Variants in PALS2 observed in about 807,000 individuals in gnomAD.
PALS2 encodes the protein protein PALS2.
PALS2 carries 27 observed loss-of-function variants against 61.6 expected under a neutral mutation model. The ratio of observed to expected loss-of-function variants is 0.44; its 90% CI spans 0.32 to 0.60. PALS2 has a LOEUF of 0.60. Ranked by LOEUF, PALS2 falls within the 20% of genes least tolerant of loss-of-function variation. The pLI is 0.05. For missense variants in PALS2, 554 were observed against 639.4 expected (o/e 0.87, Z 1.44); for synonymous variants, 236 against 218.6 (o/e 1.08, Z -0.70).
chr7:24,638,322 C>CTTTTTT (rs749421698), intron 2 of PALS2, among the ~76,000 whole-genome samples: 336 of 11,910 alleles, frequency 0.028, 145 homozygotes, highest in African/African-American at 0.041. Context: ...TCTGTATTTT[C>CTTTTTT]TTTTTTTTTT....
intron 11 of PALS2, among the ~76,000 whole-genome samples, chr7:24,683,529 T>A (rs575816766): frequency 1.6e-4 from 25 of 152,268 alleles, no homozygotes; most frequent in African/African-American, 5.8e-4. Context: ...GACCTTTTTT[T>A]TTTTTCATGA....
chr7:24,627,964 T>C (rs1182342844), intron 2 of PALS2, among the ~76,000 whole-genome samples: 2 of 152,174 alleles, frequency 1.3e-5, no homozygotes, highest in Non-Finnish European at 2.9e-5. Flanking sequence ...TACCATTCCT[T>C]CTGAAACTAT....
chr7:24,586,979 C>A (rs1040832549), intron 1 of PALS2, among the ~76,000 whole-genome samples: 8 of 151,528 alleles, frequency 5.3e-5, no homozygotes, highest in Non-Finnish European at 1.0e-4. Flanking sequence ...CCCGCCCTGC[C>A]CCCCAAATTC....
chr7:24,621,460 ATTTT>A, intron 1 of PALS2, among the ~76,000 whole-genome samples: 1 of 152,240 alleles, frequency 6.6e-6, no homozygotes, highest in East Asian at 1.9e-4. Flanking sequence ...AACACTATTG[ATTTT>A]GTTTTTAAAA....
At chr7:24,574,438 G>A (rs1782572452) in intron 1 of PALS2, among the ~76,000 whole-genome samples, 1 of 152,082 alleles carries the variant, frequency 6.6e-6, no homozygotes, top group Non-Finnish European at 1.5e-5. Context: ...ACTTTACTGG[G>A]AGTTTATTCT....
chr7:24,666,090 G>T lies in PALS2; in HGVS notation c.952+1G>T. 1.9e-6 allele frequency: 3 copies of T among 1,608,870 alleles called. No homozygotes were observed. Among genetic ancestry groups the T allele is most frequent in the Non-Finnish European group, 2.6e-6 (3 of 1,176,468 alleles). ...ATGTATCTCACAACCAGAAATGCAG[G>T]TAGGTTTTAAATACTTTTTGAGAAG... is the stretch of plus-strand genomic sequence containing the variant. On this transcript the variant is annotated splice_donor_variant, in intron 8 of 11. Transcript: ENST00000222644. LOFTEE classifies it high-confidence loss of function.
intron 5 of PALS2, among the ~76,000 whole-genome samples, chr7:24,651,830 T>C (rs1786167908): frequency 6.6e-6 from 1 of 152,248 alleles, no homozygotes; most frequent in Non-Finnish European, 1.5e-5. Flanking sequence ...AAAAGTCTAG[T>C]TCTTACATTT....
intron 9 of PALS2, among the ~76,000 whole-genome samples, chr7:24,674,140 A>G (rs1562658452): frequency 6.6e-6 from 1 of 152,194 alleles, no homozygotes; most frequent in Non-Finnish European, 1.5e-5. Flanking sequence ...GCTTCTTACA[A>G]CAACTGTGCT....
At chr7:24,675,184 G>A (rs549156507) in intron 9 of PALS2, among the ~76,000 whole-genome samples, 4 of 152,044 alleles carry the variant, frequency 2.6e-5, no homozygotes, top group Non-Finnish European at 4.4e-5. Flanking sequence ...CAGCATGGAG[G>A]TAGAGGTAAT....
chr7:24,664,186 C>T (rs1015350878), intron 6 of PALS2, among the ~76,000 whole-genome samples: 2 of 152,144 alleles, frequency 1.3e-5, no homozygotes, highest in Admixed American at 6.5e-5. Flanking sequence ...CTCCCCTCTT[C>T]TCAGATATTG....
chr7:24,647,457 T>C (rs1056188285), intron 3 of PALS2, among the ~76,000 whole-genome samples: 4 of 152,210 alleles, frequency 2.6e-5, no homozygotes, highest in African/African-American at 7.2e-5. Context: ...CCCAGCCTCA[T>C]TGATCTTTTG....
intron 5 of PALS2, among the ~76,000 whole-genome samples, chr7:24,650,927 A>G (rs1279804712): frequency 6.6e-6 from 1 of 152,222 alleles, no homozygotes; most frequent in African/African-American, 2.4e-5. Flanking sequence ...CTTCATTAAC[A>G]CCAGGAACCC....
intron 3 of PALS2, 115 bp from the exon 4 acceptor site, chr7:24,649,497 A>G: frequency 3.7e-6 from 3 of 806,924 alleles, no homozygotes; most frequent in Non-Finnish European, 5.4e-6. Flanking sequence ...ATTTAATACC[A>G]TGTGCCTTGG....
At position 24,681,968 on chromosome 7, in the gene PALS2, A is replaced by T. The variant is rs371606606; in HGVS notation, c.1446+1448A>T. On this transcript the variant is annotated intron_variant, in intron 11 of 11. Coordinates refer to ENST00000222644, the MANE Select transcript of PALS2 (RefSeq NM_001303037.2). Reference sequence around the variant, plus strand: ...GTTCTAACATTTGAGTCAGTTCTGGATTGGTTTTGATTGAATGATTTTTCT... The same window carrying T: ...GTTCTAACATTTGAGTCAGTTCTGGTTTGGTTTTGATTGAATGATTTTTCT... Among the ~76,000 whole-genome samples, 15 of 152,070 alleles carry T rather than the reference A, an allele frequency of 9.9e-5. 1 individual carries two copies. Among genetic ancestry groups the T allele is most frequent in the Admixed American group, 7.2e-4 (11 of 15,282 alleles).
At chr7:24,676,213 G>C (rs996845260) in intron 9 of PALS2, among the ~76,000 whole-genome samples, 1 of 152,070 alleles carries the variant, frequency 6.6e-6, no homozygotes, top group Non-Finnish European at 1.5e-5. Context: ...CCCACTTTTT[G>C]ATGGGGTTGT....
chr7:24,605,449 AT>A lies in PALS2; in HGVS notation c.-2-18216del, dbSNP rs777184780. On this transcript the variant is annotated intron_variant, in intron 1 of 11. Coordinates refer to ENST00000222644, the MANE Select transcript of PALS2 (RefSeq NM_001303037.2). ...ATTTTTCTGTGGGAAAATAAGTTTC[AT>A]ATATCACTGATATAGTAAGATATTA... 9.8e-5 allele frequency among the ~76,000 whole-genome samples: 15 copies of A among 152,328 alleles called. No homozygotes were observed. The South Asian group carries it at 1.9e-3, about 19-fold the overall frequency.
intron 5 of PALS2, among the ~76,000 whole-genome samples, chr7:24,655,170 T>A (rs1442321325): frequency 2.0e-5 from 3 of 152,148 alleles, no homozygotes; most frequent in African/African-American, 7.2e-5. Context: ...GGGAGAAAAG[T>A]TTAATGTCTC....
At chr7:24,584,730 G>C (rs1207517407) in intron 1 of PALS2, among the ~76,000 whole-genome samples, 220 of 151,454 alleles carry the variant, frequency 1.5e-3, no homozygotes, top group Non-Finnish European at 1.2e-3. Context: ...GACATGAAGT[G>C]CTTGCCCATG....
intron 1 of PALS2, among the ~76,000 whole-genome samples, chr7:24,604,735 A>G (rs1207916105): frequency 2.0e-5 from 3 of 152,224 alleles, no homozygotes; most frequent in African/African-American, 4.8e-5. Flanking sequence ...TCCTGCCAAG[A>G]TGGGGGCTCC....
Sources: gnomAD v4.1 joint callset for allele counts (sites outside exome capture counted in the v4.1 genomes callset) on GRCh38, gnomAD v4.1.1 for gene constraint, MANE v1.5 for transcripts, NCBI Gene and HGNC (gene_info 2026-07-23, HGNC 2026-07-21) for gene names.